SUPT3H: variants seen among roughly 807,000 people sequenced by gnomAD.
SUPT3H encodes the protein transcription initiation protein SPT3 homolog.
In SUPT3H, 44 loss-of-function variants were observed where a neutral mutation model predicts 44.3. The observed-to-expected ratio is 0.99, with a 90% CI of 0.78 to 1.28. The LOEUF is 1.28. Among genes scored for constraint, SUPT3H ranks in the 50% most tolerant of loss-of-function variants. The pLI, the probability that SUPT3H is intolerant of heterozygous loss-of-function variation, is 0.00. For missense variants in SUPT3H, 380 were observed against 387.1 expected (o/e 0.98, Z 0.15); for synonymous variants, 124 against 125.6 (o/e 0.99, Z 0.09).
chr6:44,887,680 T>C (rs1027486699), intron 10 of SUPT3H, among the ~76,000 whole-genome samples: 28 of 151,158 alleles, frequency 1.9e-4, no homozygotes, highest in African/African-American at 6.1e-4. Context: ...AGATCCAAAA[T>C]TGACACCCTA....
intron 9 of SUPT3H, among the ~76,000 whole-genome samples, chr6:44,938,585 G>A (rs1771878633): frequency 6.6e-6 from 1 of 151,894 alleles, no homozygotes; most frequent in South Asian, 2.1e-4. Flanking sequence ...TGAATTTTAG[G>A]ATTTTTTTTT....
chr6:44,929,601 T>C (rs1770200725), intron 10 of SUPT3H, among the ~76,000 whole-genome samples: 1 of 152,220 alleles, frequency 6.6e-6, no homozygotes, highest in Non-Finnish European at 1.5e-5. Flanking sequence ...CTATGATTAC[T>C]ATAAAAGCAG....
intron 10 of SUPT3H, among the ~76,000 whole-genome samples, chr6:44,902,801 G>A (rs1765317100): frequency 6.6e-6 from 1 of 152,106 alleles, no homozygotes; most frequent in South Asian, 2.1e-4. Flanking sequence ...CTCAGCAAAT[G>A]CAAAAGAACA....
At chr6:45,343,186 G>C (rs1562987502) in intron 2 of SUPT3H, among the ~76,000 whole-genome samples, 1 of 152,152 alleles carries the variant, frequency 6.6e-6, no homozygotes, top group Non-Finnish European at 1.5e-5. Flanking sequence ...CAAAACAGCA[G>C]AATCAGCATG....
At chr6:45,022,370 T>G (rs1283058077) in intron 3 of SUPT3H, among the ~76,000 whole-genome samples, 1 of 151,020 alleles carries the variant, frequency 6.6e-6, no homozygotes, top group South Asian at 2.1e-4. Context: ...ATAAGTATGA[T>G]AATAGAAAAT....
intron 10 of SUPT3H, among the ~76,000 whole-genome samples, chr6:44,850,180 A>G (rs942086820): frequency 6.6e-6 from 1 of 152,246 alleles, no homozygotes; most frequent in Non-Finnish European, 1.5e-5. Context: ...GAATGCACTA[A>G]TGATCAGATT....
intron 7 of SUPT3H, among the ~76,000 whole-genome samples, chr6:44,958,051 C>A (rs754684963): frequency 3.3e-4 from 50 of 152,158 alleles, no homozygotes; most frequent in Non-Finnish European, 6.6e-4. Context: ...TCAGAATAAA[C>A]AAGTTCCTTC....
chr6:45,043,171 G>GCACA (rs1275026821), intron 3 of SUPT3H, among the ~76,000 whole-genome samples: 1 of 82,066 alleles, frequency 1.2e-5, no homozygotes, highest in Non-Finnish European at 3.0e-5. Context: ...ACACACACAC[G>GCACA]CACACACACA....
chr6:45,181,817 GTAAC>G (rs1242119621), intron 2 of SUPT3H, among the ~76,000 whole-genome samples: 4 of 151,652 alleles, frequency 2.6e-5, no homozygotes, highest in Non-Finnish European at 5.9e-5. Context: ...GTATACATAT[GTAAC>G]TAACCTGCAC....
In SUPT3H at chr6:44,812,484, T is replaced by TG. The variant is rs1189009757; in HGVS notation, c.*53-2984dup. Among the ~76,000 whole-genome samples the TG allele has an allele frequency of 2.6e-5, 4 of 152,364 alleles. No individual in the cohort carries two copies. The East Asian group carries it at 5.8e-4, about 22-fold the overall frequency. On this transcript the variant is annotated intron_variant and NMD_transcript_variant, in intron 11 of 11. Transcript: ENST00000475057. ...CTCATGTGATTAGACTGGACCCATG[T>TG]GGATAATCTAGGATAACCTCTCCAT...
intron 2 of SUPT3H, among the ~76,000 whole-genome samples, chr6:45,318,737 G>T (rs1479978836): frequency 6.6e-6 from 1 of 151,884 alleles, no homozygotes; most frequent in East Asian, 1.9e-4. Flanking sequence ...CCATCTTTAG[G>T]ATTTCTCAAT....
At chr6:44,921,634 A>T (rs1298419836) in intron 10 of SUPT3H, among the ~76,000 whole-genome samples, 2 of 152,146 alleles carry the variant, frequency 1.3e-5, no homozygotes, top group Admixed American at 1.3e-4. Flanking sequence ...AATATTTGTC[A>T]ACTATAACTC....
At chr6:45,024,202 GTA>G in intron 3 of SUPT3H, among the ~76,000 whole-genome samples, 1 of 152,126 alleles carries the variant, frequency 6.6e-6, no homozygotes, top group Non-Finnish European at 1.5e-5. Flanking sequence ...TACATTTTAA[GTA>G]TGTTATAATA....
At chr6:44,979,943 G>A (rs937191873) in intron 6 of SUPT3H, among the ~76,000 whole-genome samples, 6 of 152,122 alleles carry the variant, frequency 3.9e-5, no homozygotes, top group African/African-American at 1.2e-4. Flanking sequence ...CTTGAAGTAC[G>A]TTCTTATCAA....
chr6:45,070,240 A>G (rs998840131), intron 3 of SUPT3H, among the ~76,000 whole-genome samples: 11 of 152,176 alleles, frequency 7.2e-5, no homozygotes, highest in Non-Finnish European at 1.3e-4. Flanking sequence ...CATTTTATCG[A>G]AAAAATATTC....
chr6:45,214,735 T>C (rs1000695425), intron 2 of SUPT3H, among the ~76,000 whole-genome samples: 1 of 152,132 alleles, frequency 6.6e-6, no homozygotes, highest in Non-Finnish European at 1.5e-5. Context: ...TGTAGTCCCA[T>C]TTACTCGGGA....
chr6:45,233,112 G>A (rs765214242), intron 2 of SUPT3H, among the ~76,000 whole-genome samples: 7 of 152,134 alleles, frequency 4.6e-5, no homozygotes, highest in African/African-American at 1.2e-4. Context: ...GAAATTACGC[G>A]CTTTAGTTTT....
chr6:45,108,541 A>G (rs1799611073), intron 2 of SUPT3H, among the ~76,000 whole-genome samples: 1 of 152,190 alleles, frequency 6.6e-6, no homozygotes, highest in South Asian at 2.1e-4. Context: ...TATTGAATAA[A>G]TATATTAATA....
intron 1 of SUPT3H, chr6:45,371,983 C>A (rs1355442785): frequency 1.2e-6 from 1 of 864,328 alleles, no homozygotes; most frequent in Non-Finnish European, 1.4e-6. Flanking sequence ...GGTCCCCCGA[C>A]ACCTGGTCCA....
Sources: gnomAD v4.1 joint callset for allele counts (sites outside exome capture counted in the v4.1 genomes callset) on GRCh38, gnomAD v4.1.1 for gene constraint, MANE v1.5 for transcripts, NCBI Gene and HGNC (gene_info 2026-07-23, HGNC 2026-07-21) for gene names.